GAREM1: variants seen among roughly 807,000 people sequenced by gnomAD.
GAREM1 encodes GRB2 associated regulator of MAPK1 subtype 1.
In GAREM1, 26 loss-of-function variants were observed where a neutral mutation model predicts 71.3. The observed-to-expected ratio is 0.36, with a 90% CI of 0.27 to 0.51. GAREM1 has a LOEUF of 0.51. GAREM1 is among the 20% of genes least tolerant of loss of function. The pLI, the probability that GAREM1 is intolerant of heterozygous loss-of-function variation, is 0.95. For missense variants in GAREM1, 1,026 were observed against 1,103.1 expected (o/e 0.93, Z 0.99); for synonymous variants, 440 against 433.2 (o/e 1.02, Z -0.20).
intron 3 of GAREM1, among the ~76,000 whole-genome samples, chr18:32,302,219 C>T (rs1405642693): frequency 6.6e-6 from 1 of 152,130 alleles, no homozygotes; most frequent in Non-Finnish European, 1.5e-5. Flanking sequence ...TTTGTGGCTT[C>T]ATATGAACCA....
Position 32,268,318 on chromosome 18 carries a change from C to A in GAREM1, c.2184G>T (p.Arg728Ser). The A allele has an allele frequency of 1.2e-6, 2 of 1,614,002 alleles. No individual in the cohort carries two copies. Among genetic ancestry groups the A allele is most frequent in the Non-Finnish European group, 1.7e-6 (2 of 1,180,008 alleles). The part of the protein sequence containing the change: ...QSTSCPALPP[R>S]APKLVEEKVA... Reference sequence around the variant, plus strand: ...CCTTCTCTTCCACTAGTTTTGGAGCCCTGGGGGGTAAGGCAGGGCATGACG... The same window carrying A: ...CCTTCTCTTCCACTAGTTTTGGAGCACTGGGGGGTAAGGCAGGGCATGACG... The change falls in exon 6 of 6, where the codon AGG becomes AGT. Residue 728 changes from arginine (R) to serine (S), a missense_variant. This residue lies in a region of GAREM1 where 636 missense variants were observed against 631.2 expected (regional missense o/e 1.01). Transcript: ENST00000269209.
chr18:32,275,164 A>G (rs1429193124), intron 4 of GAREM1, among the ~76,000 whole-genome samples: 1 of 152,194 alleles, frequency 6.6e-6, no homozygotes, highest in Non-Finnish European at 1.5e-5. Context: ...ACACAGTGTC[A>G]TGGTGAAAAT....
At chr18:32,401,404 T>C (rs1374901566) in intron 1 of GAREM1, among the ~76,000 whole-genome samples, 2 of 151,852 alleles carry the variant, frequency 1.3e-5, no homozygotes, top group African/African-American at 4.8e-5. Flanking sequence ...TAATAACTGC[T>C]AAGTTTTTTT....
At chr18:32,467,367 T>G (rs2049009453) in intron 1 of GAREM1, among the ~76,000 whole-genome samples, 1 of 152,202 alleles carries the variant, frequency 6.6e-6, no homozygotes, top group Admixed American at 6.5e-5. Context: ...ACTTCAACCC[T>G]TCTCTCCTTT....
At chr18:32,390,092 G>A (rs1430411851) in intron 2 of GAREM1, among the ~76,000 whole-genome samples, 1 of 152,164 alleles carries the variant, frequency 6.6e-6, no homozygotes, top group African/African-American at 2.4e-5. Flanking sequence ...GATCCTTTGA[G>A]CCCAGTAGTC....
intron 1 of GAREM1, among the ~76,000 whole-genome samples, chr18:32,448,312 A>T (rs1038493486): frequency 6.6e-5 from 10 of 152,236 alleles, no homozygotes; most frequent in African/African-American, 2.2e-4. Flanking sequence ...TCAATAAAAA[A>T]TGTAAAATTA....
At chr18:32,352,433 C>T (rs1456741724) in intron 2 of GAREM1, among the ~76,000 whole-genome samples, 1 of 152,132 alleles carries the variant, frequency 6.6e-6, no homozygotes, top group Non-Finnish European at 1.5e-5. Flanking sequence ...TTTTCACAGT[C>T]ACTCCTGGGG....
chr18:32,443,157 A>C (rs2048755504), intron 1 of GAREM1, among the ~76,000 whole-genome samples: 1 of 152,184 alleles, frequency 6.6e-6, no homozygotes, highest in South Asian at 2.1e-4. Flanking sequence ...AATGGATCAA[A>C]TACCCAAATG....
At chr18:32,413,795 C>T (rs574313712) in intron 1 of GAREM1, among the ~76,000 whole-genome samples, 1 of 151,932 alleles carries the variant, frequency 6.6e-6, no homozygotes, top group South Asian at 2.1e-4. Context: ...CAAAACAAAC[C>T]CCAGGAGTTT....
chr18:32,422,757 CAT>C lies in GAREM1; in HGVS notation c.122-29724_122-29723del, dbSNP rs1476831231. On this transcript the variant is annotated intron_variant, in intron 1 of 5. Transcript: ENST00000269209. ...AACATATGTAAAAATTTGGTCTAAT[CAT>C]ATGAGGTTGGAGTTTTTTAAAGCAA... 2.0e-5 allele frequency among the ~76,000 whole-genome samples: 3 copies of C among 152,290 alleles called. No individual in the cohort carries two copies. In the East Asian group the frequency reaches 5.8e-4, roughly 29 times the overall value.
rs367927438 is a variant in GAREM1 at position 32,287,222 on chromosome 18, C to T, written c.1375G>A (p.Glu459Lys). ...GGCTGATGGCTGGGCTTGCCTTCCT[C>T]CAGCCACAGCTCTTCGTAGGGAAGT... Reference protein sequence around the residue: ...SELPYEELWLEEGKPSHQPLT... With the variant: ...SELPYEELWLKEGKPSHQPLT... The change falls in exon 4 of 6, where the codon GAG becomes AAG. Residue 459 changes from glutamate (E) to lysine (K), a missense_variant. By Grantham distance (56) the Glu-to-Lys change is moderately conservative. This residue lies in a region of GAREM1 where 636 missense variants were observed against 631.2 expected (regional missense o/e 1.01). Coordinates refer to ENST00000269209, the MANE Select transcript of GAREM1 (RefSeq NM_001242409.2). The surrounding 1 kb of genome is among the most constrained non-coding windows in gnomAD (Gnocchi z 5.9). 2.1e-5 allele frequency: 34 copies of T among 1,614,098 alleles called. No homozygotes were observed. Among genetic ancestry groups the T allele is most frequent in the Non-Finnish European group, 2.7e-5 (32 of 1,180,030 alleles).
At position 32,470,314 on chromosome 18, in the gene GAREM1, C is replaced by T. The variant is rs1347136424; in HGVS notation, c.115G>A (p.Asp39Asn). The change falls in exon 1 of 6, where the codon GAC becomes AAC. Residue 39 changes from aspartate to asparagine, a missense_variant. Around this residue, in one of 3 missense-constraint regions of GAREM1, gnomAD observed 172 missense variants for 175.2 expected, o/e 0.98. Transcript: ENST00000269209. This position sits in a 1 kb window ranked among gnomAD's most constrained non-coding sequence, Gnocchi z 4.4. ...CGCCCCAGCTGGGACTCACCGTTGT[C>T]CAGGCGCGCGATCTGGGGCAGCCGG... ...TYRLPQIARL[D>N]NGECVEGLRE... The T allele has an allele frequency of 6.4e-7, 1 of 1,553,538 alleles. No homozygotes were observed. The highest frequency in any genetic ancestry group is 8.7e-7 in the Non-Finnish European group (1 of 1,153,044).
At chr18:32,408,421 C>A (rs1312499846) in intron 1 of GAREM1, among the ~76,000 whole-genome samples, 1 of 152,098 alleles carries the variant, frequency 6.6e-6, no homozygotes, top group Non-Finnish European at 1.5e-5. Flanking sequence ...GGGGTGATAT[C>A]AAGTATCCCT....
intron 2 of GAREM1, among the ~76,000 whole-genome samples, chr18:32,346,569 A>G (rs1452611049): frequency 2.6e-5 from 4 of 152,230 alleles, no homozygotes; most frequent in Non-Finnish European, 5.9e-5. Flanking sequence ...TAAAATTCCA[A>G]TACAACCAAA....
intron 4 of GAREM1, 44 bp downstream of exon 4, chr18:32,286,987 A>G: frequency 7.4e-7 from 1 of 1,353,172 alleles, no homozygotes; most frequent in South Asian, 1.2e-5. Flanking sequence ...CTGAGCAGAG[A>G]GACAGAAAGA....
intron 1 of GAREM1, among the ~76,000 whole-genome samples, chr18:32,422,550 C>T (rs1429732633): frequency 1.3e-5 from 2 of 152,172 alleles, no homozygotes; most frequent in Non-Finnish European, 2.9e-5. Context: ...TCCTGTGTAA[C>T]TGGCATTATG....
intron 3 of GAREM1, among the ~76,000 whole-genome samples, chr18:32,288,751 A>G (rs953786600): frequency 4.6e-5 from 7 of 152,174 alleles, no homozygotes; most frequent in African/African-American, 1.2e-4. Context: ...AAATATAAAT[A>G]GAAAAAAGAA....
chr18:32,337,531 G>C (rs1370751985), intron 2 of GAREM1, among the ~76,000 whole-genome samples: 1 of 152,132 alleles, frequency 6.6e-6, no homozygotes, highest in Non-Finnish European at 1.5e-5. Flanking sequence ...TGAGGCTTAC[G>C]GCTTCCCATC....
chr18:32,341,981 G>A (rs1208162853), intron 2 of GAREM1, among the ~76,000 whole-genome samples: 1 of 151,936 alleles, frequency 6.6e-6, no homozygotes, highest in Non-Finnish European at 1.5e-5. Flanking sequence ...ACAAAGTGAG[G>A]TGGAGAACAC....
Sources: gnomAD v4.1 joint callset for allele counts (sites outside exome capture counted in the v4.1 genomes callset) on GRCh38, gnomAD v4.1.1 for gene constraint, gnomAD v4.1.1 regional missense constraint, Gnocchi (gnomAD v3.1) non-coding constraint, MANE v1.5 for transcripts, NCBI Gene and HGNC (gene_info 2026-07-23, HGNC 2026-07-21) for gene names.